Variants in CCDC146 observed in about 807,000 individuals in gnomAD.
The protein encoded by CCDC146 is coiled-coil domain-containing protein 146.
Under a neutral mutation model 119.3 loss-of-function variants are expected in CCDC146, and 92 were observed. The observed-to-expected ratio is 0.77, with a 90% CI of 0.65 to 0.92. The LOEUF (loss-of-function observed/expected upper bound fraction) is 0.92. CCDC146 is among the 40% of genes least tolerant of loss of function. The pLI is 0.00. For missense variants in CCDC146, 1,000 were observed against 1,103.0 expected (o/e 0.91, Z 1.32); for synonymous variants, 372 against 371.8 (o/e 1.00, Z -0.01).
chr7:77,207,301 T>A (rs1792098768), intron 2 of CCDC146, among the ~76,000 whole-genome samples: 1 of 152,194 alleles, frequency 6.6e-6, no homozygotes, highest in South Asian at 2.1e-4. Context: ...TTTCTGTTAT[T>A]TGCAGTGAAA....
At chr7:77,228,704 TTC>T (rs1165378275) in intron 2 of CCDC146, among the ~76,000 whole-genome samples, 35 of 152,228 alleles carry the variant, frequency 2.3e-4, no homozygotes, top group African/African-American at 8.4e-4. Context: ...CAAATGGTAT[TTC>T]TGTCTTTAGA....
Position 77,236,223 on chromosome 7 carries a change from T to G in CCDC146, c.157-724T>G, listed in dbSNP as rs139132302. On this transcript the variant is annotated intron_variant, in intron 2 of 18. Coordinates refer to ENST00000285871, the MANE Select transcript of CCDC146 (RefSeq NM_020879.3). ...TGATTTTAGGATGGTAAAACTTTAGTGTTTGACGATGTTTTATGATGTCTG... is the reference window on the plus strand; with the variant it reads ...TGATTTTAGGATGGTAAAACTTTAGGGTTTGACGATGTTTTATGATGTCTG... 3.9e-4 allele frequency among the ~76,000 whole-genome samples: 59 copies of G among 152,352 alleles called. 1 individual carries two copies. The highest frequency in any genetic ancestry group is 4.6e-4 in the Non-Finnish European group (31 of 68,030).
At chr7:77,271,544 ATAT>A (rs1793519997) in intron 9 of CCDC146, among the ~76,000 whole-genome samples, 3 of 107,332 alleles carry the variant, frequency 2.8e-5, no homozygotes, top group African/African-American at 1.5e-4. Flanking sequence ...ATATATATAT[ATAT>A]ATATATATAT....
chr7:77,229,881 A>T (rs1792590161), intron 2 of CCDC146, among the ~76,000 whole-genome samples: 1 of 151,166 alleles, frequency 6.6e-6, no homozygotes, highest in South Asian at 2.1e-4. Flanking sequence ...GAGTTGTATA[A>T]TCATGGCATA....
In CCDC146 at chr7:77,237,120, G is replaced by A. The variant is rs753468326; in HGVS notation, c.239+91G>A. 3.9e-6 allele frequency: 4 copies of A among 1,038,918 alleles called. No individual in the cohort carries two copies. The South Asian group carries it at 5.3e-5, about 14-fold the overall frequency. The allele number at this position is 1,038,918 out of a possible 1,614,324, so 64.4% of individuals were successfully genotyped here. A position where few individuals can be genotyped will look rare whatever the true frequency, so the allele number is the denominator to read the frequency against. ...TGTCTTCATTTGCATTCCCCCATAA[G>A]CAGACCCTGAGGCAAGGATTTGCGT... is the stretch of plus-strand genomic sequence containing the variant. On this transcript the variant is annotated intron_variant, in intron 3 of 18. Coordinates refer to ENST00000285871, the MANE Select transcript of CCDC146 (RefSeq NM_020879.3).
Position 77,198,105 on chromosome 7 carries a change from A to G in CCDC146, c.156+30281A>G, listed in dbSNP as rs747002839. 6.4e-5 allele frequency: 63 copies of G among 984,918 alleles called. 1 individual carries two copies. Among genetic ancestry groups the G allele is most frequent in the Non-Finnish European group, 6.9e-5 (57 of 829,446 alleles). 61.0% of individuals were successfully genotyped at this position (984,918 alleles called of 1,614,324 possible). A position where few individuals can be genotyped will look rare whatever the true frequency, so the allele number is the denominator to read the frequency against. On this transcript the variant is annotated intron_variant, in intron 2 of 18. Coordinates refer to ENST00000285871, the MANE Select transcript of CCDC146 (RefSeq NM_020879.3). ...TGCCATGCAGCATCTAATCTAATGT[A>G]TACCCACTGATGTCACCTAAGCGGT...
At chr7:77,168,116 T>C (rs1791365690) in intron 2 of CCDC146, among the ~76,000 whole-genome samples, 1 of 152,184 alleles carries the variant, frequency 6.6e-6, no homozygotes, top group African/African-American at 2.4e-5. Flanking sequence ...ATAAAGAAGA[T>C]TTCTTTTATT....
At chr7:77,233,875 A>G (rs921349566) in intron 2 of CCDC146, among the ~76,000 whole-genome samples, 7 of 150,684 alleles carry the variant, frequency 4.6e-5, no homozygotes, top group Admixed American at 6.7e-5. Flanking sequence ...TACTTAAAAT[A>G]AAACTGCAGA....
intron 17 of CCDC146, among the ~76,000 whole-genome samples, chr7:77,289,717 T>C (rs1383023861): frequency 6.6e-6 from 1 of 152,248 alleles, no homozygotes; most frequent in African/African-American, 2.4e-5. Flanking sequence ...TGGCGCCTCC[T>C]GCAAATTTCC....
At chr7:77,212,193 CTA>C (rs1203117540) in intron 2 of CCDC146, among the ~76,000 whole-genome samples, 4 of 152,046 alleles carry the variant, frequency 2.6e-5, no homozygotes, top group African/African-American at 9.7e-5. Flanking sequence ...AGTAAGGTGA[CTA>C]TTTTCAAAAT....
intron 2 of CCDC146, among the ~76,000 whole-genome samples, chr7:77,225,649 A>C (rs1181164931): frequency 6.6e-6 from 1 of 151,958 alleles, no homozygotes; most frequent in Non-Finnish European, 1.5e-5. Context: ...GCCAGTAAAA[A>C]AGAAGAAGTA....
chr7:77,191,988 G>A (rs748712339), intron 2 of CCDC146, among the ~76,000 whole-genome samples: 9 of 151,670 alleles, frequency 5.9e-5, no homozygotes, highest in East Asian at 2.0e-4. Context: ...GTGCAGTGGC[G>A]CCATCTCTGC....
intron 15 of CCDC146, 35 bp downstream of exon 15, chr7:77,282,820 A>G: frequency 6.8e-7 from 1 of 1,471,448 alleles, no homozygotes; most frequent in Non-Finnish European, 9.5e-7. Flanking sequence ...TCCTCAGACC[A>G]TTTATTTTTT....
intron 9 of CCDC146, among the ~76,000 whole-genome samples, chr7:77,271,407 C>T (rs1241069670): frequency 6.6e-6 from 1 of 150,740 alleles, no homozygotes; most frequent in Non-Finnish European, 1.5e-5. Flanking sequence ...CCTTCCTCCT[C>T]AGCTTGCAGA....
chr7:77,201,800 T>C (rs1249683176), intron 2 of CCDC146, among the ~76,000 whole-genome samples: 1 of 152,106 alleles, frequency 6.6e-6, no homozygotes, highest in Non-Finnish European at 1.5e-5. Flanking sequence ...ATCCCCTAAC[T>C]CCTAACCTCA....
At chr7:77,124,888 T>C (rs540730862) in intron 1 of CCDC146, among the ~76,000 whole-genome samples, 1 of 152,272 alleles carries the variant, frequency 6.6e-6, no homozygotes, top group South Asian at 2.1e-4. Flanking sequence ...GAGAAAATAA[T>C]TGCATCAATT....
intron 3 of CCDC146, among the ~76,000 whole-genome samples, chr7:77,240,424 G>A (rs1407131224): frequency 6.6e-6 from 1 of 152,094 alleles, no homozygotes; most frequent in African/African-American, 2.4e-5. Context: ...TTGATTCCAG[G>A]ACCTCCTGCA....
chr7:77,217,504 A>C (rs1792321900), intron 2 of CCDC146, among the ~76,000 whole-genome samples: 2 of 152,030 alleles, frequency 1.3e-5, no homozygotes, highest in Admixed American at 1.3e-4. Context: ...AGTCAACTAC[A>C]ACTTCAAAAT....
chr7:77,269,530 A>G (rs975444345), intron 9 of CCDC146, among the ~76,000 whole-genome samples: 1 of 152,176 alleles, frequency 6.6e-6, no homozygotes, highest in Non-Finnish European at 1.5e-5. Flanking sequence ...GAGGCTTGTC[A>G]CTGTAGTTTG....
Sources: gnomAD v4.1 joint callset for allele counts (sites outside exome capture counted in the v4.1 genomes callset) on GRCh38, gnomAD v4.1.1 for gene constraint, MANE v1.5 for transcripts, NCBI Gene and HGNC (gene_info 2026-07-23, HGNC 2026-07-21) for gene names.